Variants in RBFOX3 observed in about 807,000 individuals in gnomAD.
RBFOX3 encodes RNA binding protein fox-1 homolog 3.
In RBFOX3, 17 loss-of-function variants were observed where a neutral mutation model predicts 48.7. The ratio of observed to expected loss-of-function variants is 0.35; its 90% CI spans 0.24 to 0.52. The LOEUF (loss-of-function observed/expected upper bound fraction) is 0.52. Ranked by LOEUF, RBFOX3 falls within the 20% of genes least tolerant of loss-of-function variation. The pLI is 0.94. For missense variants in RBFOX3, 382 were observed against 497.5 expected (o/e 0.77, Z 2.21); for synonymous variants, 212 against 209.5 (o/e 1.01, Z -0.10).
intron 4 of RBFOX3, among the ~76,000 whole-genome samples, chr17:79,179,012 C>T (rs1197126946): frequency 2.0e-5 from 3 of 152,272 alleles, no homozygotes; most frequent in East Asian, 1.9e-4. Context: ...CATGCTGACC[C>T]GCGAGCCAGC....
intron 1 of RBFOX3, among the ~76,000 whole-genome samples, chr17:79,510,419 C>A (rs2083951076): frequency 6.6e-6 from 1 of 152,220 alleles, no homozygotes; most frequent in Non-Finnish European, 1.5e-5. Context: ...CCCAGCCACC[C>A]TACCCTCAGA....
chr17:79,132,469 C>T (rs781379216), intron 4 of RBFOX3, among the ~76,000 whole-genome samples: 2 of 152,192 alleles, frequency 1.3e-5, no homozygotes, highest in African/African-American at 2.4e-5. Context: ...GCAGGCGCCA[C>T]GGGGGATCAG....
chr17:79,499,345 T>A (rs2082077457), intron 1 of RBFOX3, among the ~76,000 whole-genome samples: 1 of 150,300 alleles, frequency 6.7e-6, no homozygotes, highest in Non-Finnish European at 1.5e-5. Flanking sequence ...CAACCTTCCA[T>A]CCATCTATAT....
chr17:79,218,526 G>A (rs979103354), intron 4 of RBFOX3, among the ~76,000 whole-genome samples: 2 of 152,338 alleles, frequency 1.3e-5, no homozygotes, highest in Non-Finnish European at 2.9e-5. Flanking sequence ...CAGAGCCCCT[G>A]CTGGGGAGAG....
At chr17:79,550,393 G>A (rs1198157395) in intron 1 of RBFOX3, among the ~76,000 whole-genome samples, 2 of 152,152 alleles carry the variant, frequency 1.3e-5, no homozygotes, top group Admixed American at 1.3e-4. Flanking sequence ...GTAAAAGGGG[G>A]CCCAGACATC....
chr17:79,451,982 C>T (rs556521470), intron 2 of RBFOX3, among the ~76,000 whole-genome samples: 1 of 152,322 alleles, frequency 6.6e-6, no homozygotes, highest in African/African-American at 2.4e-5. Context: ...CCAACACCCG[C>T]AGGGCTCTTT....
At chr17:79,570,463 G>C (rs1308365703) in intron 1 of RBFOX3, among the ~76,000 whole-genome samples, 1 of 152,072 alleles carries the variant, frequency 6.6e-6, no homozygotes, top group East Asian at 1.9e-4. Context: ...AGGATGAATG[G>C]GTGGACAGAT....
chr17:79,413,829 G>A (rs1177428823), intron 2 of RBFOX3, among the ~76,000 whole-genome samples: 1 of 152,216 alleles, frequency 6.6e-6, no homozygotes, highest in African/African-American at 2.4e-5. Flanking sequence ...CCACAGGGCA[G>A]GCGGCTGCCA....
At chr17:79,217,029 C>A (rs1361051603) in intron 4 of RBFOX3, among the ~76,000 whole-genome samples, 1 of 152,170 alleles carries the variant, frequency 6.6e-6, no homozygotes, top group African/African-American at 2.4e-5. Flanking sequence ...AGGCAGGGGG[C>A]CCCCCACTCT....
rs1305399325 is a variant in RBFOX3 at position 79,473,280 on chromosome 17, G to A, written c.-175+9174C>T. ...AGCTGAGATATGGGTCATGTGAGAC[G>A]TGTCCTCAGCCTGTTGCTAGGGAGC... is the stretch of plus-strand genomic sequence containing the variant. On this transcript the variant is annotated intron_variant, in intron 2 of 14. Coordinates refer to ENST00000693108, the MANE Select transcript of RBFOX3 (RefSeq NM_001350451.2). This position sits in a 1 kb window ranked among gnomAD's most constrained non-coding sequence, Gnocchi z 4.2. Among the ~76,000 whole-genome samples the A allele has an allele frequency of 1.3e-5, 2 of 152,226 alleles. No homozygotes were observed. The highest frequency in any genetic ancestry group is 2.4e-5 in the African/African-American group (1 of 41,460).
At chr17:79,300,477 A>G (rs1317037083) in intron 3 of RBFOX3, among the ~76,000 whole-genome samples, 1 of 152,224 alleles carries the variant, frequency 6.6e-6, no homozygotes, top group Non-Finnish European at 1.5e-5. Flanking sequence ...TTCTTAATAA[A>G]AATGAAATAG....
intron 4 of RBFOX3, among the ~76,000 whole-genome samples, chr17:79,118,077 C>T (rs2034587144): frequency 6.6e-6 from 1 of 152,008 alleles, no homozygotes; most frequent in Non-Finnish European, 1.5e-5. Flanking sequence ...GCAACCCAGC[C>T]GTGCCCTGCT....
chr17:79,570,959 G>T (rs1022161832), intron 1 of RBFOX3, among the ~76,000 whole-genome samples: 1 of 152,080 alleles, frequency 6.6e-6, no homozygotes, highest in Admixed American at 6.5e-5. Flanking sequence ...GAAGGATGAG[G>T]GGGGGCCCCC....
chr17:79,607,647 A>G (rs2093864530), intron 1 of RBFOX3, among the ~76,000 whole-genome samples: 1 of 152,112 alleles, frequency 6.6e-6, no homozygotes, highest in South Asian at 2.1e-4. Context: ...GGGCAGATAA[A>G]CCAAGCAGGG....
intron 4 of RBFOX3, among the ~76,000 whole-genome samples, chr17:79,133,257 G>A (rs2039406982): frequency 6.6e-6 from 1 of 152,172 alleles, no homozygotes; most frequent in Admixed American, 6.5e-5. Context: ...CAGAGGAGCG[G>A]GTCCCTGAGG....
At chr17:79,173,397 T>C (rs1328681556) in intron 4 of RBFOX3, among the ~76,000 whole-genome samples, 1 of 152,194 alleles carries the variant, frequency 6.6e-6, no homozygotes, top group African/African-American at 2.4e-5. Flanking sequence ...GCTAAAGGCA[T>C]TAACACTGGA....
intron 2 of RBFOX3, among the ~76,000 whole-genome samples, chr17:79,371,002 G>GT (rs1047891170): frequency 0.038 from 21 of 546 alleles, no homozygotes; most frequent in East Asian, 0.25. Flanking sequence ...TCCCCCGGTA[G>GT]GGGGTTAGGG....
chr17:79,662,417 C>T, the RBFOX3 span, among the ~76,000 whole-genome samples: 8 of 152,108 alleles, frequency 5.3e-5, no homozygotes, highest in East Asian at 3.9e-4. Flanking sequence ...CCACCGCGCC[C>T]GGCTGCTTCC....
chr17:79,209,677 T>C (rs1327716060), intron 4 of RBFOX3, among the ~76,000 whole-genome samples: 1 of 152,004 alleles, frequency 6.6e-6, no homozygotes, highest in African/African-American at 2.4e-5. Context: ...AGAGGTGGGG[T>C]GCATGGCTCA....
Sources: allele counts gnomAD v4.1 joint callset (sites outside exome capture counted in the v4.1 genomes callset), GRCh38; gene constraint gnomAD v4.1.1; non-coding constraint Gnocchi (gnomAD v3.1); transcripts MANE v1.5; gene names NCBI Gene and HGNC (gene_info 2026-07-23, HGNC 2026-07-21).